Variants in RPH3A observed in about 807,000 individuals in gnomAD.
RPH3A encodes the protein rabphilin-3A.
Under a neutral mutation model 102.2 loss-of-function variants are expected in RPH3A, and 48 were observed. The observed-to-expected ratio is 0.47, with a 90% CI of 0.37 to 0.60. The LOEUF is 0.60. RPH3A is among the 20% of genes least tolerant of loss of function. The probability of loss-of-function intolerance (pLI) is 0.00; values close to 1 mark genes in which losing one functional copy is unlikely to be tolerated. For synonymous variants in RPH3A, 310 were observed against 324.3 expected, an observed-to-expected ratio of 0.96 and a Z score of 0.47; for missense variants, 781 against 910.1, an observed-to-expected ratio of 0.86 and a Z score of 1.83.
intron 1 of RPH3A, among the ~76,000 whole-genome samples, chr12:112,766,208 C>T (rs866356173): frequency 2.6e-5 from 4 of 152,194 alleles, no homozygotes; most frequent in Non-Finnish European, 4.4e-5. Flanking sequence ...AAGTTGAACT[C>T]GTTCCATACT....
chr12:112,585,429 G>T (rs1242660393), intron 1 of RPH3A, among the ~76,000 whole-genome samples: 2 of 152,134 alleles, frequency 1.3e-5, no homozygotes, highest in African/African-American at 4.8e-5. Flanking sequence ...ACTGCACATT[G>T]AATCCCGTTT....
intron 1 of RPH3A, among the ~76,000 whole-genome samples, chr12:112,693,467 T>C (rs1438744794): frequency 2.0e-5 from 3 of 152,260 alleles, no homozygotes; most frequent in Non-Finnish European, 4.4e-5. Context: ...ATCCTTGCAC[T>C]TGGGATAAGT....
chr12:112,620,180 G>C (rs1341772847), intron 1 of RPH3A, among the ~76,000 whole-genome samples: 1 of 152,182 alleles, frequency 6.6e-6, no homozygotes, highest in Non-Finnish European at 1.5e-5. Context: ...CAGTGGTTCT[G>C]AGATTCACTC....
intron 1 of RPH3A, among the ~76,000 whole-genome samples, chr12:112,728,341 A>G (rs960589439): frequency 5.3e-5 from 8 of 151,846 alleles, no homozygotes; most frequent in African/African-American, 1.7e-4. Context: ...TTTTCATAGC[A>G]TCTTGAAATG....
At chr12:112,858,812 C>T (rs921859343) in intron 5 of RPH3A, among the ~76,000 whole-genome samples, 5 of 152,188 alleles carry the variant, frequency 3.3e-5, no homozygotes, top group African/African-American at 1.2e-4. Flanking sequence ...CTCACCACCT[C>T]CAGAGGCCAT....
intron 2 of RPH3A, among the ~76,000 whole-genome samples, chr12:112,826,100 C>A (rs915012504): frequency 2.1e-5 from 3 of 142,238 alleles, no homozygotes; most frequent in East Asian, 4.1e-4. Flanking sequence ...CCTACACCGA[C>A]CCCGCTGTGG....
At chr12:112,637,604 A>G (rs778835518) in intron 1 of RPH3A, among the ~76,000 whole-genome samples, 3 of 152,212 alleles carry the variant, frequency 2.0e-5, no homozygotes, top group Non-Finnish European at 2.9e-5. Flanking sequence ...TATTATGCTA[A>G]TAGGAATAAA....
chr12:112,875,171 G>T lies in RPH3A; in HGVS notation c.883+1G>T. 1 of 1,596,530 alleles carries T rather than the reference G, an allele frequency of 6.3e-7. No homozygotes were observed. The highest frequency in any genetic ancestry group is 8.5e-7 in the Non-Finnish European group (1 of 1,172,212). ...GCGCCACCTCAGCCTGGGCAGCCAG[G>T]TACCTGCCACTCACCTGCTAGCACC... On this transcript the variant is annotated splice_donor_variant, in intron 11 of 21. Transcript: ENST00000389385. LOFTEE classifies it high-confidence loss of function.
At chr12:112,823,146 G>A (rs1289611635) in intron 2 of RPH3A, among the ~76,000 whole-genome samples, 1 of 152,188 alleles carries the variant, frequency 6.6e-6, no homozygotes, top group African/African-American at 2.4e-5. Flanking sequence ...GCTGAGAGGT[G>A]AAAATGCACC....
chr12:112,888,064 A>G, intron 17 of RPH3A, 141 bp downstream of exon 17: 1 of 888,206 alleles, frequency 1.1e-6, no homozygotes, highest in Admixed American at 2.5e-5. Flanking sequence ...AGGAGAGTCA[A>G]GATTCCAGCT....
chr12:112,712,570 C>G (rs963858953), intron 1 of RPH3A, among the ~76,000 whole-genome samples: 1 of 152,152 alleles, frequency 6.6e-6, no homozygotes, highest in Non-Finnish European at 1.5e-5. Context: ...CTGAAGCAAT[C>G]ACAGCCCTGT....
intron 16 of RPH3A, among the ~76,000 whole-genome samples, chr12:112,886,817 A>G (rs756657485): frequency 7.9e-5 from 12 of 152,228 alleles, no homozygotes; most frequent in Non-Finnish European, 1.3e-4. Context: ...TGGTAAATGC[A>G]GTTGTTTTGA....
chr12:112,619,143 T>C (rs1268709336), intron 1 of RPH3A, among the ~76,000 whole-genome samples: 2 of 152,184 alleles, frequency 1.3e-5, no homozygotes, highest in Admixed American at 6.5e-5. Context: ...TTGGCTATTA[T>C]AAATAATGCT....
intron 1 of RPH3A, among the ~76,000 whole-genome samples, chr12:112,588,306 A>G (rs967971377): frequency 6.6e-6 from 1 of 152,222 alleles, no homozygotes; most frequent in Admixed American, 6.5e-5. Context: ...AAGGAGGTTT[A>G]ATGAACTCAC....
In RPH3A at chr12:112,898,484, G is replaced by C. The variant is rs552938891; in HGVS notation, c.*1704G>C. ...CCCTCAGCTCCCTGCACAATTCATG[G>C]GAGGACTCATTTCTTGCCTTGAATA... On this transcript the variant is annotated 3_prime_UTR_variant, in exon 22 of 22. Coordinates refer to ENST00000389385, the MANE Select transcript of RPH3A (RefSeq NM_001143854.2). The C allele has an allele frequency of 2.6e-5, 4 of 152,264 alleles. No individual in the cohort carries two copies. Among genetic ancestry groups the C allele is most frequent in the African/African-American group, 9.6e-5 (4 of 41,522 alleles). The allele number at this position is 152,264 out of a possible 1,614,324, so 9.4% of individuals were successfully genotyped here.
intron 1 of RPH3A, among the ~76,000 whole-genome samples, chr12:112,619,503 G>A (rs1377824879): frequency 1.3e-5 from 2 of 152,000 alleles, no homozygotes; most frequent in Non-Finnish European, 2.9e-5. Flanking sequence ...GGCTGGTCTC[G>A]AACTCCTGAC....
chr12:112,707,621 C>A (rs962685935), intron 1 of RPH3A, among the ~76,000 whole-genome samples: 1 of 152,182 alleles, frequency 6.6e-6, no homozygotes, highest in African/African-American at 2.4e-5. Context: ...ATGTAATTGG[C>A]TTTTAACAAG....
intron 13 of RPH3A, among the ~76,000 whole-genome samples, chr12:112,877,459 C>CACACA (rs1555219884): frequency 1.4e-5 from 2 of 146,278 alleles, no homozygotes; most frequent in African/African-American, 2.5e-5. Flanking sequence ...CACACACACA[C>CACACA]CAGTGGCATT....
intron 8 of RPH3A, 139 bp downstream of exon 8, chr12:112,868,734 CTA>C (rs2042655208): frequency 1.2e-6 from 1 of 834,746 alleles, no homozygotes; most frequent in African/African-American, 1.7e-5. Context: ...TCTAGGACTC[CTA>C]TATCTCCTTC....
Sources: allele counts gnomAD v4.1 joint callset (sites outside exome capture counted in the v4.1 genomes callset), GRCh38; gene constraint gnomAD v4.1.1; transcripts MANE v1.5; gene names NCBI Gene and HGNC (gene_info 2026-07-23, HGNC 2026-07-21).